The following GSG1L variants were observed in gnomAD, a reference collection of about 807,000 sequenced individuals.
GSG1L encodes the protein germ cell-specific gene 1-like protein.
In GSG1L, 24 loss-of-function variants were observed where a neutral mutation model predicts 42.1. That is an observed-to-expected ratio of 0.57 (90% CI 0.41 to 0.80). The LOEUF (loss-of-function observed/expected upper bound fraction) is 0.80, where lower values mean the gene tolerates loss of function less well. Among genes scored for constraint, GSG1L ranks in the 30% least tolerant of loss-of-function variants. GSG1L has a pLI of 0.00. For missense variants in GSG1L, 445 were observed against 472.2 expected, an observed-to-expected ratio of 0.94 and a Z score of 0.53; for synonymous variants, 215 against 203.5, an observed-to-expected ratio of 1.06 and a Z score of -0.48.
At chr16:27,973,968 G>A (rs1021620994) in intron 1 of GSG1L, among the ~76,000 whole-genome samples, 2 of 152,104 alleles carry the variant, frequency 1.3e-5, no homozygotes, top group African/African-American at 4.8e-5. Context: ...TGTTGCCTGG[G>A]AACGGCCTCA....
chr16:27,825,608 C>A (rs2083200053), intron 5 of GSG1L, among the ~76,000 whole-genome samples: 1 of 152,204 alleles, frequency 6.6e-6, no homozygotes, highest in Admixed American at 6.5e-5. Flanking sequence ...CTGCAGTGAG[C>A]TGTGCTTGTG....
intron 4 of GSG1L, among the ~76,000 whole-genome samples, chr16:27,829,408 A>T (rs547362335): frequency 6.6e-6 from 1 of 152,298 alleles, no homozygotes; most frequent in South Asian, 2.1e-4. Context: ...GTGAGGATGC[A>T]TGAGAAGATT....
intron 1 of GSG1L, among the ~76,000 whole-genome samples, chr16:27,979,293 T>C (rs1169473683): frequency 6.6e-6 from 1 of 151,670 alleles, no homozygotes; most frequent in African/African-American, 2.4e-5. Flanking sequence ...AGGTCGGACA[T>C]GATAGCTCAC....
At chr16:27,993,210 G>C (rs981207585) in intron 1 of GSG1L, among the ~76,000 whole-genome samples, 1 of 152,042 alleles carries the variant, frequency 6.6e-6, no homozygotes, top group Non-Finnish European at 1.5e-5. Flanking sequence ...GTGCAGTGGT[G>C]CAATCTTGGC....
chr16:27,934,135 T>G (rs964564123), intron 2 of GSG1L, among the ~76,000 whole-genome samples: 1 of 152,184 alleles, frequency 6.6e-6, no homozygotes, highest in African/African-American at 2.4e-5. Context: ...GGTCATTAGT[T>G]CCATTTGCAA....
At chr16:27,977,503 T>G (rs894302565) in intron 1 of GSG1L, among the ~76,000 whole-genome samples, 6 of 129,520 alleles carry the variant, frequency 4.6e-5, no homozygotes, top group Non-Finnish European at 9.1e-5. Flanking sequence ...GAGGTTGCAG[T>G]GAGCCAAGAT....
intron 6 of GSG1L, among the ~76,000 whole-genome samples, chr16:27,803,832 T>C (rs1039763616): frequency 1.3e-5 from 2 of 149,234 alleles, no homozygotes; most frequent in African/African-American, 4.9e-5. Context: ...GATATAGATA[T>C]AGATATATAG....
rs1175905744 is a variant in GSG1L at position 27,828,816 on chromosome 16, G to A, written c.803C>T (p.Pro268Leu). ...GYREEPTFID[P>L]EAIKYFRERM... ...CTCCCGGAAGTACTTGATGGCCTCA[G>A]GGTCTATGAAGGTCGGCTCTTCCCG... The change falls in exon 5 of 7, where the codon CCT (proline) becomes CTT (leucine). Residue 268 changes from proline (P) to leucine (L), a missense_variant. Around this residue, in one of 3 missense-constraint regions of GSG1L, gnomAD observed 140 missense variants for 120.6 expected, o/e 1.16. Transcript: ENST00000447459. 2 of 1,614,034 alleles carry A rather than the reference G, an allele frequency of 1.2e-6. No homozygotes were observed. The highest frequency in any genetic ancestry group is 1.3e-5 in the African/African-American group (1 of 74,928).
chr16:27,879,939 G>A (rs2083932732), intron 3 of GSG1L, among the ~76,000 whole-genome samples: 1 of 148,306 alleles, frequency 6.7e-6, no homozygotes. Context: ...GCAGAGGGCT[G>A]ACTGTAATTG....
intron 3 of GSG1L, among the ~76,000 whole-genome samples, chr16:27,855,744 A>AAC (rs1567488918): frequency 7.7e-6 from 1 of 129,380 alleles, no homozygotes; most frequent in Non-Finnish European, 1.7e-5. Flanking sequence ...AAAAAAAGAG[A>AAC]CCAACGGAAC....
intron 1 of GSG1L, among the ~76,000 whole-genome samples, chr16:28,048,073 A>ATT (rs1396966237): frequency 2.0e-5 from 3 of 148,864 alleles, no homozygotes; most frequent in African/African-American, 7.6e-5. Context: ...AAAAAAAAAA[A>ATT]TTTTAATTAG....
At chr16:28,002,284 C>A (rs957821109) in intron 1 of GSG1L, among the ~76,000 whole-genome samples, 3 of 152,188 alleles carry the variant, frequency 2.0e-5, no homozygotes, top group African/African-American at 7.2e-5. Context: ...CAAGAGAGAA[C>A]ACTTCCAGCT....
At position 28,063,588 on chromosome 16, in the gene GSG1L, C is replaced by T. The variant is rs1330117158; in HGVS notation, c.-164G>A. 1.6e-5 allele frequency: 3 copies of T among 189,340 alleles called. No homozygotes were observed. Among genetic ancestry groups the T allele is most frequent in the East Asian group, 1.9e-4 (1 of 5,204 alleles). The allele number at this position is 189,340 out of a possible 1,614,324, so 11.7% of individuals were successfully genotyped here. A position where few individuals can be genotyped will look rare whatever the true frequency, so the allele number is the denominator to read the frequency against. On this transcript the variant is annotated 5_prime_UTR_variant, in exon 1 of 7. Transcript: ENST00000447459. This position sits in a 1 kb window ranked among gnomAD's most constrained non-coding sequence, Gnocchi z 5.8. ...CGCGGGCCCATGCCCCCCCCAACCC[C>T]GGGGTGGGGGCGCGGCGCGGGGGGC...
chr16:27,817,268 C>T (rs575709169), intron 5 of GSG1L, among the ~76,000 whole-genome samples: 237 of 152,286 alleles, frequency 1.6e-3, no homozygotes, highest in Non-Finnish European at 2.6e-3. Flanking sequence ...CCTGGGGCCT[C>T]CCCAGCCTCC....
chr16:27,838,748 TC>T, intron 4 of GSG1L, among the ~76,000 whole-genome samples: 1 of 152,198 alleles, frequency 6.6e-6, no homozygotes, highest in Non-Finnish European at 1.5e-5. Flanking sequence ...AGATGCATAA[TC>T]CAGGCCACCC....
intron 1 of GSG1L, among the ~76,000 whole-genome samples, chr16:28,053,046 C>G (rs1204731192): frequency 6.6e-6 from 1 of 152,180 alleles, no homozygotes; most frequent in Non-Finnish European, 1.5e-5. Flanking sequence ...CAGTGGTGTC[C>G]AAGGGGCTGG....
chr16:27,894,335 C>CAAA (rs2084164701), intron 2 of GSG1L, among the ~76,000 whole-genome samples: 3 of 152,254 alleles, frequency 2.0e-5, no homozygotes, highest in Admixed American at 2.0e-4. Context: ...GGGAAGTAGC[C>CAAA]AAGGAGGATT....
chr16:28,004,055 G>A (rs188620609), intron 1 of GSG1L, among the ~76,000 whole-genome samples: 218 of 152,354 alleles, frequency 1.4e-3, no homozygotes, highest in African/African-American at 4.9e-3. Context: ...GGGCTGCTGG[G>A]CTGACGGCCA....
intron 6 of GSG1L, among the ~76,000 whole-genome samples, chr16:27,803,650 A>G (rs1285946482): frequency 6.6e-6 from 1 of 151,856 alleles, no homozygotes; most frequent in East Asian, 1.9e-4. Flanking sequence ...GGCCGCCACC[A>G]TCATGTCTCC....
Sources: gnomAD v4.1 joint callset for allele counts (sites outside exome capture counted in the v4.1 genomes callset) on GRCh38, gnomAD v4.1.1 for gene constraint, gnomAD v4.1.1 regional missense constraint, Gnocchi (gnomAD v3.1) non-coding constraint, MANE v1.5 for transcripts, NCBI Gene and HGNC (gene_info 2026-07-23, HGNC 2026-07-21) for gene names.